Variants in CLIC4 observed in about 807,000 individuals in gnomAD.
CLIC4 encodes the protein chloride intracellular channel protein 4.
In CLIC4, 13 loss-of-function variants were observed where a neutral mutation model predicts 24.6. That is an observed-to-expected ratio of 0.53 (90% CI 0.34 to 0.84). The LOEUF is 0.84. Ranked by LOEUF, CLIC4 falls within the 40% of genes least tolerant of loss-of-function variation. The probability of loss-of-function intolerance (pLI) is 0.01; values close to 1 mark genes in which losing one functional copy is unlikely to be tolerated. For missense variants in CLIC4, 227 were observed against 301.7 expected, an observed-to-expected ratio of 0.75 and a Z score of 1.83; for synonymous variants, 104 against 111.3, an observed-to-expected ratio of 0.93 and a Z score of 0.41.
At position 24,745,619 on chromosome 1, in the gene CLIC4, C is replaced by T. The variant is rs768078941; in HGVS notation, c.66C>T (p.Phe22=). The T allele has an allele frequency of 4.5e-5, 70 of 1,567,236 alleles. No homozygotes were observed. The highest frequency in any genetic ancestry group is 5.8e-5 in the Non-Finnish European group (67 of 1,159,930). Residue 22 remains phenylalanine (F), a synonymous_variant, in exon 1 of 6, where the codon TTC becomes TTT. Transcript: ENST00000374379. ...EEDKEPLIEL[F]VKAGSDGESI... is the part of the protein sequence containing the mutation. ...ACAAAGAGCCCCTCATCGAGCTCTT[C>T]GTCAAGGTGAGCGCTCGCCTCGCGG...
chr1:24,842,853 A>G lies in CLIC4; in HGVS notation c.*1916A>G, dbSNP rs1639956960. ...AGGCAGGCATTATCATTCTTCACCT[A>G]CTTTTTAAATAGTGGCAACTTGGGA... On this transcript the variant is annotated 3_prime_UTR_variant, in exon 6 of 6. Coordinates refer to ENST00000374379, the MANE Select transcript of CLIC4 (RefSeq NM_013943.3). The G allele has an allele frequency of 6.6e-6, 1 of 152,124 alleles. No homozygotes were observed. Among genetic ancestry groups the G allele is most frequent in the South Asian group, 2.1e-4 (1 of 4,828 alleles). 9.4% of individuals were successfully genotyped at this position (152,124 alleles called of 1,614,324 possible).
chr1:24,826,372 G>A (rs1419922222), intron 3 of CLIC4, among the ~76,000 whole-genome samples: 2 of 152,136 alleles, frequency 1.3e-5, no homozygotes, highest in Admixed American at 6.6e-5. Flanking sequence ...CCTGCTATGG[G>A]TGATCATGAT....
intron 1 of CLIC4, among the ~76,000 whole-genome samples, chr1:24,778,960 T>C (rs1639173550): frequency 1.3e-5 from 2 of 152,254 alleles, no homozygotes; most frequent in Admixed American, 6.5e-5. Context: ...CCATTTGTTA[T>C]TTCATCTAGT....
At chr1:24,768,141 A>C (rs1161185540) in intron 1 of CLIC4, among the ~76,000 whole-genome samples, 1 of 152,020 alleles carries the variant, frequency 6.6e-6, no homozygotes, top group Admixed American at 6.6e-5. Context: ...ACGCCCAGCC[A>C]AAATTTTCAT....
Position 24,775,689 on chromosome 1 carries a change from C to T in CLIC4, c.73-22053C>T, listed in dbSNP as rs1055369953. 5.9e-5 allele frequency among the ~76,000 whole-genome samples: 9 copies of T among 151,588 alleles called. 1 individual carries two copies. In the South Asian group the frequency reaches 6.2e-4, roughly 10 times the overall value. ...TTACATTTTTGTGTGTGATTTCTTTCCCTACTGAGATTTCCTATCTTCCTT... is the reference window on the plus strand; with the variant it reads ...TTACATTTTTGTGTGTGATTTCTTTTCCTACTGAGATTTCCTATCTTCCTT... On this transcript the variant is annotated intron_variant, in intron 1 of 5. Transcript: ENST00000374379.
chr1:24,769,864 CTTT>C (rs896691641), intron 1 of CLIC4, among the ~76,000 whole-genome samples: 13 of 144,542 alleles, frequency 9.0e-5, no homozygotes, highest in African/African-American at 3.3e-4. Flanking sequence ...ACTTGAATGT[CTTT>C]TTTTTTTTTA....
chr1:24,816,152 C>CCATGAGGG (rs1639665092), intron 3 of CLIC4, among the ~76,000 whole-genome samples: 1 of 151,536 alleles, frequency 6.6e-6, no homozygotes, highest in African/African-American at 2.4e-5. Context: ...TGAATGTCGT[C>CCATGAGGG]CATGAGGGTT....
At chr1:24,791,861 A>T (rs1318634659) in intron 1 of CLIC4, among the ~76,000 whole-genome samples, 2 of 150,424 alleles carry the variant, frequency 1.3e-5, no homozygotes. Flanking sequence ...GGGTGACAAG[A>T]GTGAAACTCC....
intron 2 of CLIC4, among the ~76,000 whole-genome samples, chr1:24,809,305 T>C (rs959047699): frequency 2.0e-5 from 3 of 152,180 alleles, no homozygotes; most frequent in Non-Finnish European, 2.9e-5. Flanking sequence ...GGTTGGAATG[T>C]AGTCATAGAA....
Position 24,814,110 on chromosome 1 carries a change from C to A in CLIC4, c.199C>A (p.Gln67Lys). 3.1e-6 allele frequency: 5 copies of A among 1,613,890 alleles called. No homozygotes were observed. Among genetic ancestry groups the A allele is most frequent in the Non-Finnish European group, 4.2e-6 (5 of 1,179,994 alleles). The change falls in exon 3 of 6, where the codon CAG becomes AAG. Residue 67 changes from glutamine to lysine, a missense_variant. Transcript: ENST00000374379. ...GCCCAACAGGAAGCCAGCAGACCTG[C>A]AGAACTTGGCTCCCGGGACCCACCC... The part of the protein sequence containing the change: ...VDLKRKPADL[Q>K]NLAPGTHPPF...
intron 1 of CLIC4, among the ~76,000 whole-genome samples, chr1:24,783,779 G>A (rs1260082951): frequency 1.3e-5 from 2 of 152,140 alleles, no homozygotes; most frequent in Non-Finnish European, 2.9e-5. Context: ...ATCTGTAAAG[G>A]ACTTTGGATC....
chr1:24,768,070 A>G (rs1639025474), intron 1 of CLIC4, among the ~76,000 whole-genome samples: 1 of 151,974 alleles, frequency 6.6e-6, no homozygotes, highest in South Asian at 2.1e-4. Flanking sequence ...CGGACTCCTG[A>G]CATGAGGTGA....
At chr1:24,780,687 A>G (rs1639192096) in intron 1 of CLIC4, among the ~76,000 whole-genome samples, 6 of 152,218 alleles carry the variant, frequency 3.9e-5, no homozygotes, top group Non-Finnish European at 1.5e-5. Flanking sequence ...TTTGTAAGAG[A>G]TGCAGAATCT....
At chr1:24,800,677 A>G (rs1639477389) in intron 2 of CLIC4, among the ~76,000 whole-genome samples, 2 of 152,208 alleles carry the variant, frequency 1.3e-5, no homozygotes, top group African/African-American at 4.8e-5. Context: ...GTGTCTGTGT[A>G]GAAAGAAGTA....
At chr1:24,750,308 C>G (rs947589666) in intron 1 of CLIC4, among the ~76,000 whole-genome samples, 4 of 148,626 alleles carry the variant, frequency 2.7e-5, no homozygotes, top group South Asian at 2.2e-4. Context: ...CTCTCTACCC[C>G]ACTCAGGAGC....
At chr1:24,826,626 T>C (rs1160391375) in intron 3 of CLIC4, among the ~76,000 whole-genome samples, 2 of 152,340 alleles carry the variant, frequency 1.3e-5, no homozygotes, top group African/African-American at 2.4e-5. Context: ...TACTGGACAA[T>C]GAAGATAGAG....
intron 1 of CLIC4, among the ~76,000 whole-genome samples, chr1:24,750,195 T>C (rs553650645): frequency 1.3e-5 from 2 of 152,238 alleles, no homozygotes; most frequent in Non-Finnish European, 2.9e-5. Flanking sequence ...AGTGAGCTTA[T>C]GATCATGTAC....
Position 24,839,966 on chromosome 1 carries a change from TAC to T in CLIC4, c.525_526del (p.Arg176Ter). The T allele has an allele frequency of 6.2e-7, 1 of 1,614,122 alleles. No individual in the cohort carries two copies. The highest frequency in any genetic ancestry group is 8.5e-7 in the Non-Finnish European group (1 of 1,180,002). The stretch of plus-strand genomic sequence containing the variant: ...ATAGTATGGAGGACATAAAGTTTTC[TAC>T]ACGTAAATTTCTGGATGGCAATGAA... ...ENSMEDIKFSTRKFLDGNEMT... is the reference protein window; with the variant it reads ...ENSMEDIKFSXRKFLDGNEMT... On this transcript the variant is annotated frameshift_variant, in exon 5 of 6. Transcript: ENST00000374379. LOFTEE classifies it high-confidence loss of function.
At chr1:24,792,436 C>T (rs1202839906) in intron 1 of CLIC4, among the ~76,000 whole-genome samples, 1 of 152,098 alleles carries the variant, frequency 6.6e-6, no homozygotes, top group Non-Finnish European at 1.5e-5. Flanking sequence ...AAGTGATGCT[C>T]CTGCTTTGGA....
Sources: gnomAD v4.1 joint callset for allele counts (sites outside exome capture counted in the v4.1 genomes callset) on GRCh38, gnomAD v4.1.1 for gene constraint, MANE v1.5 for transcripts, NCBI Gene and HGNC (gene_info 2026-07-23, HGNC 2026-07-21) for gene names.